ZNF69: variants seen among roughly 807,000 people sequenced by gnomAD.
ZNF69 encodes the protein ZNF3.
Under a neutral mutation model 50.9 loss-of-function variants are expected in ZNF69, and 47 were observed. The observed-to-expected ratio is 0.92, with a 90% CI of 0.73 to 1.18. The LOEUF is 1.18. Ranked by LOEUF, ZNF69 falls within the 50% of genes most tolerant of loss-of-function variation. ZNF69 has a pLI of 0.00. For missense variants in ZNF69, 717 were observed against 675.1 expected (o/e 1.06, Z -0.69); for synonymous variants, 216 against 223.1 (o/e 0.97, Z 0.29).
At chr19:11,932,216 C>T in the ZNF69 span, among the ~76,000 whole-genome samples, 1 of 147,344 alleles carries the variant, frequency 6.8e-6, no homozygotes, top group African/African-American at 2.7e-5. Flanking sequence ...TGGTGATGTG[C>T]GCCTGTAGAC....
chr19:11,950,357 A>C, the ZNF69 span: 33 of 1,186,480 alleles, frequency 2.8e-5, no homozygotes, highest in Non-Finnish European at 3.4e-5. Context: ...TTTCGATATC[A>C]TGAAAGGACT....
chr19:11,932,315 G>T, the ZNF69 span, among the ~76,000 whole-genome samples: 12 of 147,150 alleles, frequency 8.2e-5, 2 homozygotes, highest in African/African-American at 3.2e-4. Flanking sequence ...CTACACTCCA[G>T]CCTGGGTAAC....
chr19:11,974,101 CTTTCTTTCTTTCTTTCTTTCTTTCT>C, the ZNF69 span, among the ~76,000 whole-genome samples: 14 of 95,152 alleles, frequency 1.5e-4, no homozygotes, highest in African/African-American at 3.8e-4. Context: ...TTCTTTCTTT[CTTTCTTTCTTTCTTTCTTTCTTTCT>C]TTTCTTTCTT....
the ZNF69 span, chr19:11,939,958 T>C: frequency 5.3e-5 from 8 of 152,044 alleles, no homozygotes; most frequent in Admixed American, 3.3e-4. Flanking sequence ...TTTTCTTTTT[T>C]TTTTTTTTGA....
At chr19:11,929,292 T>C in the ZNF69 span, among the ~76,000 whole-genome samples, 276 of 148,218 alleles carry the variant, frequency 1.9e-3, 38 homozygotes, top group African/African-American at 6.8e-3. Context: ...GCCTCCCAAG[T>C]AGTTGGGATT....
chr19:11,925,109 T>C, the ZNF69 span: 1 of 1,423,398 alleles, frequency 7.0e-7, no homozygotes, highest in Non-Finnish European at 9.7e-7. Context: ...GTCGCTTTCC[T>C]CACCTTCCTC....
chr19:11,956,317 C>T, the ZNF69 span, among the ~76,000 whole-genome samples: 38 of 152,214 alleles, frequency 2.5e-4, 1 homozygote, highest in South Asian at 6.0e-3. Flanking sequence ...GACATGCACA[C>T]GGAAGGAGCA....
chr19:11,947,144 C>G, the ZNF69 span: 6 of 1,605,694 alleles, frequency 3.7e-6, no homozygotes, highest in Admixed American at 7.0e-5. Flanking sequence ...TGCTGTCACT[C>G]TCACCCATCT....
At chr19:11,976,592 T>TGTG in the ZNF69 span, among the ~76,000 whole-genome samples, 4 of 127,418 alleles carry the variant, frequency 3.1e-5, no homozygotes, top group East Asian at 9.3e-4. Context: ...GCTGGCCAGG[T>TGTG]GTGGTGGCTC....
intron 1 of ZNF69, among the ~76,000 whole-genome samples, chr19:11,894,583 C>G (rs1356394615): frequency 6.6e-6 from 1 of 152,176 alleles, no homozygotes; most frequent in Non-Finnish European, 1.5e-5. Flanking sequence ...CCACAGCTGC[C>G]ATGTCTCTTG....
At chr19:11,954,865 GA>G in the ZNF69 span, among the ~76,000 whole-genome samples, 1 of 151,986 alleles carries the variant, frequency 6.6e-6, no homozygotes, top group Non-Finnish European at 1.5e-5. Context: ...TGCAGCTTCA[GA>G]TTTTTTTTAA....
chr19:11,946,503 C>T, the ZNF69 span, among the ~76,000 whole-genome samples: 2 of 152,160 alleles, frequency 1.3e-5, no homozygotes, highest in African/African-American at 2.4e-5. Flanking sequence ...CTGCTGCTGC[C>T]TGTCCTCTCA....
At chr19:11,894,404 TG>T (rs1977173140) in intron 1 of ZNF69, among the ~76,000 whole-genome samples, 1 of 152,214 alleles carries the variant, frequency 6.6e-6, no homozygotes, top group Admixed American at 6.5e-5. Context: ...TCTCCCAAAG[TG>T]CTGGGATTAC....
the ZNF69 span, chr19:11,949,075 A>G: frequency 1.2e-6 from 2 of 1,609,644 alleles, no homozygotes; most frequent in Non-Finnish European, 1.7e-6. Flanking sequence ...AAGTTTTCAA[A>G]CACACATAAG....
At chr19:11,974,078 TTTCTTTC>T in the ZNF69 span, among the ~76,000 whole-genome samples, 1 of 62,714 alleles carries the variant, frequency 1.6e-5, no homozygotes, top group Non-Finnish European at 3.2e-5. Context: ...CTTTTCTTTC[TTTCTTTC>T]TTTCTTTCTT....
the ZNF69 span, among the ~76,000 whole-genome samples, chr19:11,969,953 G>A: frequency 1.3e-5 from 2 of 152,096 alleles, no homozygotes; most frequent in East Asian, 3.9e-4. Flanking sequence ...AATTGCCTGG[G>A]GCTGGCTCAA....
chr19:11,978,519 C>T, the ZNF69 span: 4 of 1,614,202 alleles, frequency 2.5e-6, no homozygotes, highest in South Asian at 2.2e-5. Flanking sequence ...TGGGGATGGA[C>T]CTTATAAATG....
At chr19:11,970,100 T>A in the ZNF69 span, among the ~76,000 whole-genome samples, 1 of 152,196 alleles carries the variant, frequency 6.6e-6, no homozygotes, top group Non-Finnish European at 1.5e-5. Flanking sequence ...CATAACCAAT[T>A]CTTGGGGTGC....
chr19:11,963,074 T>TGAGAGAGAGAGAGAGAGAGAGAGAGA, the ZNF69 span, among the ~76,000 whole-genome samples: 72 of 134,348 alleles, frequency 5.4e-4, no homozygotes, highest in African/African-American at 1.4e-3. Context: ...GGTAGTTTGG[T>TGAGAGAGAGAGAGAGAGAGAGAGAGA]GAGAGAGAGA....
Sources: allele counts gnomAD v4.1 joint callset (sites outside exome capture counted in the v4.1 genomes callset), GRCh38; gene constraint gnomAD v4.1.1; transcripts MANE v1.5; gene names NCBI Gene and HGNC (gene_info 2026-07-23, HGNC 2026-07-21).